MAGI1: variants seen among roughly 807,000 people sequenced by gnomAD.
The protein encoded by MAGI1 is membrane associated guanylate kinase, WW and PDZ domain containing 1, also known as membrane-associated guanylate kinase, WW and PDZ domain-containing protein 1.
Under a neutral mutation model 139.9 loss-of-function variants are expected in MAGI1, and 58 were observed. The ratio of observed to expected loss-of-function variants is 0.41; its 90% CI spans 0.34 to 0.52. The LOEUF (loss-of-function observed/expected upper bound fraction) is 0.52. Ranked by LOEUF, MAGI1 falls within the 20% of genes least tolerant of loss-of-function variation. MAGI1 has a pLI of 0.12. For synonymous variants in MAGI1, 812 were observed against 737.9 expected (o/e 1.10, Z -1.63); for missense variants, 1,874 against 1,901.6 (o/e 0.99, Z 0.27).
intron 1 of MAGI1, among the ~76,000 whole-genome samples, chr3:65,837,041 C>T (rs2042848650): frequency 6.6e-6 from 1 of 152,050 alleles, no homozygotes; most frequent in Admixed American, 6.5e-5. Flanking sequence ...AATGTGACAC[C>T]TTTTGGAAGA....
intron 11 of MAGI1, 46 bp from the exon 12 acceptor site, chr3:65,430,186 A>G (rs1039713121): frequency 1.0e-5 from 16 of 1,588,504 alleles, no homozygotes; most frequent in Non-Finnish European, 1.4e-5. Context: ...GCACCCAGAA[A>G]ATTGTCATCA....
intron 1 of MAGI1, among the ~76,000 whole-genome samples, chr3:65,794,218 T>A (rs2039973359): frequency 6.6e-6 from 1 of 152,168 alleles, no homozygotes; most frequent in Non-Finnish European, 1.5e-5. Flanking sequence ...CTAAAACTTG[T>A]GCTCTGTGGA....
chr3:65,476,041 A>AT (rs1165495707), intron 4 of MAGI1, among the ~76,000 whole-genome samples: 3 of 151,838 alleles, frequency 2.0e-5, no homozygotes, highest in African/African-American at 7.3e-5. Flanking sequence ...CCGACACCTC[A>AT]TTATGCCACT....
At chr3:65,628,028 C>T (rs1037405962) in intron 1 of MAGI1, among the ~76,000 whole-genome samples, 1 of 152,138 alleles carries the variant, frequency 6.6e-6, no homozygotes, top group Non-Finnish European at 1.5e-5. Flanking sequence ...AACAATGCTG[C>T]TATAAATGTC....
chr3:65,769,245 T>C (rs2037751757), intron 1 of MAGI1, among the ~76,000 whole-genome samples: 1 of 152,168 alleles, frequency 6.6e-6, no homozygotes, highest in Non-Finnish European at 1.5e-5. Flanking sequence ...TATATGCATA[T>C]AATGGGGTTT....
intron 18 of MAGI1, among the ~76,000 whole-genome samples, chr3:65,373,588 C>T (rs779204507): frequency 9.2e-5 from 14 of 152,178 alleles, no homozygotes; most frequent in African/African-American, 2.2e-4. Context: ...ACCTGCAAAG[C>T]GCAATAAAAT....
chr3:65,530,018 C>T (rs1450943866), intron 2 of MAGI1, among the ~76,000 whole-genome samples: 1 of 151,884 alleles, frequency 6.6e-6, no homozygotes, highest in Non-Finnish European at 1.5e-5. Context: ...TACATATTAC[C>T]CATATATGTG....
At chr3:65,472,927 G>C (rs932994479) in intron 4 of MAGI1, among the ~76,000 whole-genome samples, 1 of 152,146 alleles carries the variant, frequency 6.6e-6, no homozygotes, top group Non-Finnish European at 1.5e-5. Flanking sequence ...TCATGATTAC[G>C]GACACTGACC....
chr3:65,474,658 C>A (rs1471209311), intron 4 of MAGI1, among the ~76,000 whole-genome samples: 1 of 151,884 alleles, frequency 6.6e-6, no homozygotes, highest in East Asian at 1.9e-4. Flanking sequence ...CTCTTGGGGA[C>A]TTTTCAAGGT....
intron 2 of MAGI1, among the ~76,000 whole-genome samples, chr3:65,571,991 T>C (rs1192500955): frequency 6.6e-6 from 1 of 151,732 alleles, no homozygotes; most frequent in Non-Finnish European, 1.5e-5. Flanking sequence ...AGATAAAAAA[T>C]AAGCATATAT....
intron 6 of MAGI1, among the ~76,000 whole-genome samples, chr3:65,449,266 A>C (rs1222084792): frequency 6.6e-6 from 1 of 152,146 alleles, no homozygotes; most frequent in Non-Finnish European, 1.5e-5. Context: ...TAGAACTTAA[A>C]GTATAATAAT....
chr3:65,916,372 C>G (rs1410602068), intron 1 of MAGI1, among the ~76,000 whole-genome samples: 1 of 152,108 alleles, frequency 6.6e-6, no homozygotes, highest in Non-Finnish European at 1.5e-5. Context: ...ATACCCAAGA[C>G]TGGATAATTT....
At chr3:65,830,788 A>G (rs1425018052) in intron 1 of MAGI1, among the ~76,000 whole-genome samples, 10 of 152,334 alleles carry the variant, frequency 6.6e-5, no homozygotes, top group African/African-American at 1.7e-4. Flanking sequence ...TAAGGTAAAT[A>G]TAAAGAAACA....
intron 21 of MAGI1, among the ~76,000 whole-genome samples, chr3:65,362,604 C>T (rs1315758822): frequency 6.6e-6 from 1 of 152,248 alleles, no homozygotes; most frequent in East Asian, 1.9e-4. Context: ...TTAAAAAATT[C>T]ATGCTGAACA....
intron 1 of MAGI1, among the ~76,000 whole-genome samples, chr3:65,821,969 G>A (rs1575609204): frequency 1.3e-5 from 2 of 152,262 alleles, no homozygotes; most frequent in Admixed American, 6.5e-5. Flanking sequence ...AACCTGACCA[G>A]ATCACTCCTT....
At chr3:65,714,138 G>A (rs988078401) in intron 1 of MAGI1, among the ~76,000 whole-genome samples, 1 of 152,136 alleles carries the variant, frequency 6.6e-6, no homozygotes, top group Non-Finnish European at 1.5e-5. Flanking sequence ...CATGTAAAGC[G>A]TGTTCACAGT....
At chr3:65,966,531 T>A (rs147746427) in intron 1 of MAGI1, among the ~76,000 whole-genome samples, 1 of 152,060 alleles carries the variant, frequency 6.6e-6, no homozygotes, top group Non-Finnish European at 1.5e-5. Flanking sequence ...GGCAGGAGGA[T>A]TGCTTGAGCC....
intron 1 of MAGI1, among the ~76,000 whole-genome samples, chr3:65,803,152 A>AT (rs1317755850): frequency 2.0e-5 from 3 of 152,092 alleles, no homozygotes; most frequent in South Asian, 2.1e-4. Flanking sequence ...AAATGAGCTG[A>AT]TTTTTTTTAA....
chr3:65,837,412 G>A (rs545466802), intron 1 of MAGI1, among the ~76,000 whole-genome samples: 3 of 152,260 alleles, frequency 2.0e-5, no homozygotes, highest in South Asian at 2.1e-4. Flanking sequence ...CCCAGAGATA[G>A]GAGAGTTCCT....
Sources: allele counts gnomAD v4.1 joint callset (sites outside exome capture counted in the v4.1 genomes callset), GRCh38; gene constraint gnomAD v4.1.1; transcripts MANE v1.5; gene names NCBI Gene and HGNC (gene_info 2026-07-23, HGNC 2026-07-21).